The following IL19 variants were observed in gnomAD, a reference collection of about 807,000 sequenced individuals.
IL19 encodes the protein interleukin-19.
In IL19, 15 loss-of-function variants were observed where a neutral mutation model predicts 19.5. The observed-to-expected ratio is 0.77, with a 90% CI of 0.52 to 1.19. IL19 has a LOEUF of 1.19. IL19 is among the 50% of genes most tolerant of loss of function. The pLI is 0.00. For synonymous variants in IL19, 78 were observed against 78.3 expected (o/e 1.00, Z 0.02); for missense variants, 199 against 213.1 (o/e 0.93, Z 0.41).
At chr1:206,838,505 C>G (rs1390534272) in intron 4 of IL19, among the ~76,000 whole-genome samples, 3 of 152,188 alleles carry the variant, frequency 2.0e-5, no homozygotes, top group Non-Finnish European at 4.4e-5. Context: ...ATTATAGACA[C>G]AGAAGATATG....
chr1:206,781,414 C>CAAAAA (rs57060549), intron 1 of IL19, among the ~76,000 whole-genome samples: 1 of 43,012 alleles, frequency 2.3e-5, no homozygotes, highest in Admixed American at 3.2e-4. Context: ...GACTCTGTCT[C>CAAAAA]AAAAAAAAAA....
intron 2 of IL19, among the ~76,000 whole-genome samples, chr1:206,825,428 A>C (rs1676403390): frequency 6.6e-6 from 1 of 152,240 alleles, no homozygotes; most frequent in African/African-American, 2.4e-5. Context: ...TTCAATATCT[A>C]TAAGATGTCA....
At chr1:206,784,903 C>T (rs550028671) in intron 1 of IL19, among the ~76,000 whole-genome samples, 1 of 152,360 alleles carries the variant, frequency 6.6e-6, no homozygotes, top group Non-Finnish European at 1.5e-5. Flanking sequence ...GTGTACTTGG[C>T]TCCTGACGTG....
chr1:206,840,121 G>A (rs765862793), intron 5 of IL19, 119 bp downstream of exon 5: 231 of 1,132,578 alleles, frequency 2.0e-4, no homozygotes, highest in Non-Finnish European at 2.8e-4. Flanking sequence ...AATTCTCTGC[G>A]CACGTCCACA....
intron 2 of IL19, chr1:206,834,124 G>A (rs1676704053): frequency 1.0e-6 from 1 of 985,442 alleles, no homozygotes; most frequent in African/African-American, 1.7e-5. Context: ...GAGATGGGGA[G>A]TTTATTTTTC....
chr1:206,808,095 C>T lies in IL19; in HGVS notation c.-3+9089C>T, dbSNP rs182564929. Among the ~76,000 whole-genome samples, 408 of 152,318 alleles carry T rather than the reference C, an allele frequency of 2.7e-3. 4 individuals carry two copies. Among genetic ancestry groups the T allele is most frequent in the African/African-American group, 9.3e-3 (388 of 41,566 alleles). On this transcript the variant is annotated intron_variant, in intron 2 of 6. Transcript: ENST00000659997. ...CCTGTAATCCCAACACTTTGGGAGGCTGAGGCAGGCAGATCACTTGAGGCC... is the reference window on the plus strand; with the variant it reads ...CCTGTAATCCCAACACTTTGGGAGGTTGAGGCAGGCAGATCACTTGAGGCC...
chr1:206,792,763 G>A (rs1256402846), intron 1 of IL19, among the ~76,000 whole-genome samples: 1 of 151,852 alleles, frequency 6.6e-6, no homozygotes, highest in Non-Finnish European at 1.5e-5. Context: ...CTAGATGTAT[G>A]TACCTCTCTT....
At chr1:206,818,416 T>C (rs1193128479) in intron 2 of IL19, among the ~76,000 whole-genome samples, 1 of 152,348 alleles carries the variant, frequency 6.6e-6, no homozygotes, top group East Asian at 1.9e-4. Context: ...AAGATAATTA[T>C]GTTCAGTTGA....
chr1:206,812,560 G>T (rs1248494260), intron 2 of IL19, among the ~76,000 whole-genome samples: 1 of 152,148 alleles, frequency 6.6e-6, no homozygotes, highest in Non-Finnish European at 1.5e-5. Flanking sequence ...TTTCTGGGGT[G>T]CCTTTTAGGA....
At chr1:206,782,501 T>C (rs1266654534) in intron 1 of IL19, among the ~76,000 whole-genome samples, 1 of 152,184 alleles carries the variant, frequency 6.6e-6, no homozygotes, top group Non-Finnish European at 1.5e-5. Context: ...GCAGAGGATG[T>C]ACCCAAAGGG....
At chr1:206,838,816 C>T (rs1205252662) in intron 4 of IL19, among the ~76,000 whole-genome samples, 1 of 149,128 alleles carries the variant, frequency 6.7e-6, no homozygotes, top group East Asian at 2.0e-4. Context: ...CCTTCCCTTC[C>T]TTTCTCACTC....
intron 1 of IL19, chr1:206,772,335 G>T: frequency 6.2e-7 from 1 of 1,614,234 alleles, no homozygotes. Flanking sequence ...CAGGTTGCCT[G>T]GGAAGTGGGT....
chr1:206,814,807 G>A (rs990164091), intron 2 of IL19, among the ~76,000 whole-genome samples: 9 of 152,078 alleles, frequency 5.9e-5, no homozygotes, highest in Non-Finnish European at 2.9e-5. Context: ...ACAGGACTGT[G>A]TCAATGCAGA....
chr1:206,835,383 G>A lies in IL19; in HGVS notation c.-2-1278G>A, dbSNP rs1178984202. 3.9e-5 allele frequency among the ~76,000 whole-genome samples: 6 copies of A among 152,350 alleles called. No homozygotes were observed. In the East Asian group the frequency reaches 1.2e-3, roughly 29 times the overall value. On this transcript the variant is annotated intron_variant, in intron 2 of 6. Transcript: ENST00000659997. ...TGGCTTAATGCCTGCCACGTGGTAA[G>A]GTCTTGACATACACCTGTCTATTCC... is the stretch of plus-strand genomic sequence containing the variant.
intron 2 of IL19, among the ~76,000 whole-genome samples, chr1:206,821,805 T>G (rs1246338872): frequency 6.6e-6 from 1 of 152,138 alleles, no homozygotes; most frequent in Non-Finnish European, 1.5e-5. Flanking sequence ...CAGCTCCCTT[T>G]CCCCCAGGAT....
intron 1 of IL19, among the ~76,000 whole-genome samples, chr1:206,787,723 T>C (rs1430519810): frequency 2.0e-5 from 3 of 152,172 alleles, no homozygotes; most frequent in Non-Finnish European, 4.4e-5. Flanking sequence ...TTTAAAGCCA[T>C]AAAATAGCTA....
chr1:206,784,640 C>G (rs1057066336), intron 1 of IL19, among the ~76,000 whole-genome samples: 1 of 152,182 alleles, frequency 6.6e-6, no homozygotes, highest in Non-Finnish European at 1.5e-5. Flanking sequence ...CGTGATGCTG[C>G]CTTTTCCTCA....
At chr1:206,827,639 C>T (rs1028706209) in intron 2 of IL19, among the ~76,000 whole-genome samples, 1 of 151,004 alleles carries the variant, frequency 6.6e-6, no homozygotes, top group Non-Finnish European at 1.5e-5. Context: ...TGCAGTGAGC[C>T]GAGATCGTGC....
At chr1:206,800,426 T>C (rs1386752973) in intron 2 of IL19, among the ~76,000 whole-genome samples, 1 of 152,156 alleles carries the variant, frequency 6.6e-6, no homozygotes, top group Middle Eastern at 3.2e-3. Flanking sequence ...ATGACAGTAT[T>C]ATTAGTTAAG....
Sources: gnomAD v4.1 joint callset for allele counts (sites outside exome capture counted in the v4.1 genomes callset) on GRCh38, gnomAD v4.1.1 for gene constraint, MANE v1.5 for transcripts, NCBI Gene and HGNC (gene_info 2026-07-23, HGNC 2026-07-21) for gene names.